PAPSS1: variants seen among roughly 807,000 people sequenced by gnomAD.
PAPSS1 encodes 3'-phosphoadenosine 5'-phosphosulfate synthase 1.
PAPSS1 carries 50 observed loss-of-function variants against 72.0 expected under a neutral mutation model. The ratio of observed to expected loss-of-function variants is 0.69; its 90% CI spans 0.55 to 0.88. PAPSS1 has a LOEUF of 0.88. Ranked by LOEUF, PAPSS1 falls within the 40% of genes least tolerant of loss-of-function variation. PAPSS1 has a pLI of 0.00. For synonymous variants in PAPSS1, 261 were observed against 263.6 expected (o/e 0.99, Z 0.09); for missense variants, 657 against 782.2 (o/e 0.84, Z 1.91).
chr4:107,634,331 A>G (rs1409730446), intron 10 of PAPSS1, among the ~76,000 whole-genome samples: 4 of 152,080 alleles, frequency 2.6e-5, no homozygotes, highest in Admixed American at 6.6e-5. Context: ...ATAGTTTTTA[A>G]AAATAACAAA....
intron 3 of PAPSS1, among the ~76,000 whole-genome samples, chr4:107,691,636 T>A (rs1043340252): frequency 7.9e-5 from 12 of 152,172 alleles, no homozygotes; most frequent in Admixed American, 7.8e-4. Flanking sequence ...CAGCATAGCA[T>A]CTAAGCCCAG....
Position 107,614,015 on chromosome 4 carries a change from G to T in PAPSS1, c.*234C>A. On this transcript the variant is annotated 3_prime_UTR_variant, in exon 12 of 12. Transcript: ENST00000265174. ...AATATAAAAAGACAATTTTAAAATT[G>T]TATTGTAGGAATATAACTATAATAA... 4.5e-5 allele frequency: 14 copies of T among 312,322 alleles called. No homozygotes were observed. Among genetic ancestry groups the T allele is most frequent in the East Asian group, 1.0e-4 (2 of 19,312 alleles). 19.3% of individuals were successfully genotyped at this position (312,322 alleles called of 1,614,324 possible). A position where few individuals can be genotyped will look rare whatever the true frequency, so the allele number is the denominator to read the frequency against.
chr4:107,649,555 G>A (rs535083888), intron 9 of PAPSS1, among the ~76,000 whole-genome samples: 1 of 152,236 alleles, frequency 6.6e-6, no homozygotes, highest in South Asian at 2.1e-4. Flanking sequence ...ACTGACACAG[G>A]TTCCCTCACC....
chr4:107,711,872 C>G (rs2125942041), intron 1 of PAPSS1, among the ~76,000 whole-genome samples: 1 of 152,228 alleles, frequency 6.6e-6, no homozygotes, highest in African/African-American at 2.4e-5. Flanking sequence ...TCATACATCC[C>G]TGGAGGATGT....
chr4:107,692,834 A>G (rs766513537), intron 3 of PAPSS1, among the ~76,000 whole-genome samples: 1 of 152,094 alleles, frequency 6.6e-6, no homozygotes, highest in African/African-American at 2.4e-5. Context: ...GAATGATATC[A>G]TGTCCTTTGC....
At chr4:107,617,361 G>A (rs2251908) in intron 11 of PAPSS1, among the ~76,000 whole-genome samples, 11,327 of 151,836 alleles carry the variant, frequency 0.075, 542 homozygotes, top group African/African-American at 0.14. Flanking sequence ...TCCAATTCTG[G>A]CCTTTCCAAC....
intron 1 of PAPSS1, among the ~76,000 whole-genome samples, chr4:107,709,771 A>G (rs189863032): frequency 3.3e-5 from 5 of 152,300 alleles, no homozygotes; most frequent in Non-Finnish European, 7.4e-5. Flanking sequence ...TACATCCCCA[A>G]CGAACTGGCT....
intron 9 of PAPSS1, among the ~76,000 whole-genome samples, chr4:107,650,977 C>CA (rs1578398576): frequency 1.3e-5 from 2 of 152,000 alleles, no homozygotes; most frequent in Admixed American, 1.3e-4. Context: ...CACACACTGA[C>CA]AAAAAAGAGT....
chr4:107,662,524 T>C (rs1341167982), intron 5 of PAPSS1, among the ~76,000 whole-genome samples: 3 of 152,062 alleles, frequency 2.0e-5, no homozygotes, highest in Admixed American at 2.0e-4. Context: ...ATCTTAAATT[T>C]TGCCAAGGAG....
At chr4:107,720,049 C>CG in intron 1 of PAPSS1, 71 bp downstream of exon 1, 1 of 1,517,738 alleles carries the variant, frequency 6.6e-7, no homozygotes, top group South Asian at 1.3e-5. Context: ...GGGAGAGAGG[C>CG]GGCGGCTCCG....
At chr4:107,618,143 T>C (rs1725870479) in intron 11 of PAPSS1, among the ~76,000 whole-genome samples, 1 of 152,040 alleles carries the variant, frequency 6.6e-6, no homozygotes, top group Non-Finnish European at 1.5e-5. Context: ...GCAAAACATT[T>C]GTCAAAAAGG....
Position 107,654,807 on chromosome 4 carries a change from T to C in PAPSS1, c.989A>G (p.Tyr330Cys), listed in dbSNP as rs1230737066. Residue 330 changes from tyrosine to cysteine, a missense_variant, in exon 8 of 12, where the codon TAT becomes TGT. Coordinates refer to ENST00000265174, the MANE Select transcript of PAPSS1 (RefSeq NM_005443.5). ...LDGCTAFALM[Y>C]EGRRVAILRN... ...AAGAATGGCCACACGGCGGCCCTCA[T>C]ACATCAGAGCAAATGCTGTACAGCC... 7 of 1,613,928 alleles carry C rather than the reference T, an allele frequency of 4.3e-6. No homozygotes were observed. Among genetic ancestry groups the C allele is most frequent in the African/African-American group, 1.3e-5 (1 of 74,916 alleles).
chr4:107,691,094 T>C (rs1331941765), intron 3 of PAPSS1, among the ~76,000 whole-genome samples: 2 of 152,066 alleles, frequency 1.3e-5, no homozygotes, highest in African/African-American at 4.8e-5. Context: ...GTTTTAGGAC[T>C]CCTGCCATGG....
At chr4:107,633,285 A>G (rs1361883494) in intron 10 of PAPSS1, among the ~76,000 whole-genome samples, 2 of 152,216 alleles carry the variant, frequency 1.3e-5, no homozygotes, top group Non-Finnish European at 2.9e-5. Flanking sequence ...TATCTCATAG[A>G]AGTTTTAAGA....
At chr4:107,637,741 A>C (rs1263240748) in intron 10 of PAPSS1, among the ~76,000 whole-genome samples, 1 of 152,228 alleles carries the variant, frequency 6.6e-6, no homozygotes, top group Non-Finnish European at 1.5e-5. Flanking sequence ...TCAGGCACAG[A>C]AACTATTTTT....
At chr4:107,707,457 T>G (rs1310951405) in intron 1 of PAPSS1, among the ~76,000 whole-genome samples, 2 of 152,170 alleles carry the variant, frequency 1.3e-5, no homozygotes, top group African/African-American at 4.8e-5. Context: ...AGGGTAGGCT[T>G]GGACGCTCAA....
intron 1 of PAPSS1, among the ~76,000 whole-genome samples, chr4:107,705,082 G>A (rs772577962): frequency 8.5e-5 from 13 of 152,102 alleles, no homozygotes; most frequent in East Asian, 3.9e-4. Context: ...CAGGATTTTC[G>A]CATCTATGTT....
intron 5 of PAPSS1, among the ~76,000 whole-genome samples, chr4:107,669,581 A>G (rs1320249427): frequency 6.6e-6 from 1 of 152,236 alleles, no homozygotes; most frequent in Non-Finnish European, 1.5e-5. Flanking sequence ...TACCACATAT[A>G]GCATTAACTA....
chr4:107,678,672 G>A (rs889622742), intron 5 of PAPSS1, among the ~76,000 whole-genome samples: 1 of 152,134 alleles, frequency 6.6e-6, no homozygotes, highest in African/African-American at 2.4e-5. Context: ...TGGGGGACCG[G>A]GGGGTACCAG....
Sources: allele counts gnomAD v4.1 joint callset (sites outside exome capture counted in the v4.1 genomes callset), GRCh38; gene constraint gnomAD v4.1.1; transcripts MANE v1.5; gene names NCBI Gene and HGNC (gene_info 2026-07-23, HGNC 2026-07-21).